SH3RF1: variants seen among roughly 807,000 people sequenced by gnomAD.
The protein encoded by SH3RF1 is E3 ubiquitin-protein ligase SH3RF1.
SH3RF1 carries 32 observed loss-of-function variants against 74.0 expected under a neutral mutation model. That is an observed-to-expected ratio of 0.43 (90% CI 0.33 to 0.58). The LOEUF is 0.58. SH3RF1 is among the 20% of genes least tolerant of loss of function. The probability of loss-of-function intolerance (pLI) is 0.05; values close to 1 mark genes in which losing one functional copy is unlikely to be tolerated. For missense variants in SH3RF1, 954 were observed against 1,130.9 expected (o/e 0.84, Z 2.24); for synonymous variants, 396 against 439.6 (o/e 0.90, Z 1.24).
chr4:169,202,849 T>C (rs1734933763), intron 2 of SH3RF1, among the ~76,000 whole-genome samples: 1 of 152,190 alleles, frequency 6.6e-6, no homozygotes, highest in Non-Finnish European at 1.5e-5. Context: ...GTTGAGGTGG[T>C]CTTCAATAAA....
chr4:169,243,862 T>C (rs1204171855), intron 2 of SH3RF1, among the ~76,000 whole-genome samples: 1 of 152,258 alleles, frequency 6.6e-6, no homozygotes, highest in Non-Finnish European at 1.5e-5. Flanking sequence ...TGACTACAAA[T>C]GTAATTTGTT....
chr4:169,198,149 T>C (rs954130267), intron 2 of SH3RF1, among the ~76,000 whole-genome samples: 5 of 152,244 alleles, frequency 3.3e-5, no homozygotes, highest in Admixed American at 1.3e-4. Flanking sequence ...AATTGCCTTA[T>C]GGAAACATCT....
chr4:169,119,424 G>A (rs970952056), intron 8 of SH3RF1, among the ~76,000 whole-genome samples: 12 of 151,396 alleles, frequency 7.9e-5, no homozygotes, highest in East Asian at 3.9e-4. Context: ...CACTGCACCC[G>A]GCTATACAAG....
At chr4:169,109,311 G>A (rs1733201696) in intron 10 of SH3RF1, among the ~76,000 whole-genome samples, 1 of 152,206 alleles carries the variant, frequency 6.6e-6, no homozygotes, top group African/African-American at 2.4e-5. Context: ...TAAAATATCA[G>A]ATAACTCAAC....
chr4:169,108,222 G>T (rs558662469), intron 10 of SH3RF1, among the ~76,000 whole-genome samples: 1 of 152,284 alleles, frequency 6.6e-6, no homozygotes, highest in African/African-American at 2.4e-5. Context: ...ACTTCATAGA[G>T]AACTATTTCT....
At chr4:169,207,837 C>T (rs921467884) in intron 2 of SH3RF1, among the ~76,000 whole-genome samples, 2 of 152,164 alleles carry the variant, frequency 1.3e-5, no homozygotes, top group African/African-American at 4.8e-5. Flanking sequence ...GTTGTTTATA[C>T]AGGTGCCACT....
At chr4:169,241,313 C>A (rs539298471) in intron 2 of SH3RF1, among the ~76,000 whole-genome samples, 4 of 152,198 alleles carry the variant, frequency 2.6e-5, no homozygotes, top group Non-Finnish European at 5.9e-5. Flanking sequence ...ACATTGAAAT[C>A]AATACTGGAA....
intron 5 of SH3RF1, among the ~76,000 whole-genome samples, chr4:169,134,983 C>A (rs1431172175): frequency 6.6e-6 from 1 of 152,166 alleles, no homozygotes; most frequent in East Asian, 1.9e-4. Flanking sequence ...CCCACAATCC[C>A]ATTCAGAAAG....
chr4:169,224,093 A>G (rs2127003305), intron 2 of SH3RF1, among the ~76,000 whole-genome samples: 1 of 152,344 alleles, frequency 6.6e-6, no homozygotes, highest in African/African-American at 2.4e-5. Context: ...CTAAATGCCA[A>G]CAGTACTGTC....
intron 11 of SH3RF1, among the ~76,000 whole-genome samples, chr4:169,096,909 A>G (rs1370988642): frequency 6.6e-6 from 1 of 152,192 alleles, no homozygotes; most frequent in Non-Finnish European, 1.5e-5. Flanking sequence ...GATGGCCCAG[A>G]CTGGTTCATC....
At chr4:169,247,459 C>T (rs1731020915) in intron 2 of SH3RF1, among the ~76,000 whole-genome samples, 1 of 152,142 alleles carries the variant, frequency 6.6e-6, no homozygotes, top group Non-Finnish European at 1.5e-5. Context: ...TAACACGAGG[C>T]ACGTATGAAG....
At chr4:169,127,901 G>A (rs538503380) in intron 6 of SH3RF1, among the ~76,000 whole-genome samples, 3 of 151,992 alleles carry the variant, frequency 2.0e-5, no homozygotes, top group South Asian at 2.1e-4. Flanking sequence ...GAAGTGTTTC[G>A]GATTTTGAAT....
chr4:169,165,643 G>C (rs1213256462), intron 2 of SH3RF1, among the ~76,000 whole-genome samples: 1 of 151,952 alleles, frequency 6.6e-6, no homozygotes, highest in Non-Finnish European at 1.5e-5. Context: ...AAGGCGGGGG[G>C]GGGAGTCAGG....
chr4:169,247,810 AC>A (rs1440761512), intron 2 of SH3RF1, among the ~76,000 whole-genome samples: 9 of 152,298 alleles, frequency 5.9e-5, no homozygotes, highest in African/African-American at 1.9e-4. Flanking sequence ...GAAAAAAACG[AC>A]CCCATCAAAA....
Position 169,107,057 on chromosome 4 carries a change from G to A in SH3RF1, c.2288C>T (p.Pro763Leu). 6.2e-7 allele frequency: 1 copy of A among 1,614,024 alleles called. No individual in the cohort carries two copies. Among genetic ancestry groups the A allele is most frequent in the Non-Finnish European group, 8.5e-7 (1 of 1,179,988 alleles). The change falls in exon 11 of 12, where the codon CCA becomes CTA. Residue 763 changes from proline (P) to leucine (L), a missense_variant. Coordinates refer to ENST00000284637, the MANE Select transcript of SH3RF1 (RefSeq NM_020870.4). The part of the protein sequence containing the change: ...LQGAVGPELP[P>L]GGGHGRAGSC... ...GCCTGCCCTGCCATGGCCACCTCCT[G>A]GTGGCAGTTCGGGCCCCACCGCTCC... is the stretch of plus-strand genomic sequence containing the variant.
intron 2 of SH3RF1, among the ~76,000 whole-genome samples, chr4:169,172,756 A>C (rs914733500): frequency 1.3e-5 from 2 of 152,110 alleles, no homozygotes; most frequent in Non-Finnish European, 2.9e-5. Context: ...TTGGGCTGGG[A>C]GAGAAAGACC....
intron 2 of SH3RF1, among the ~76,000 whole-genome samples, chr4:169,258,683 G>C (rs1257200600): frequency 1.3e-5 from 2 of 152,082 alleles, no homozygotes; most frequent in Non-Finnish European, 2.9e-5. Context: ...AAATAATAGA[G>C]ATTAGTAAAC....
intron 1 of SH3RF1, 84 bp from the exon 2 acceptor site, chr4:169,269,391 G>T: frequency 1.6e-6 from 1 of 610,362 alleles, no homozygotes; most frequent in East Asian, 2.9e-5. Flanking sequence ...GAATCAAAAA[G>T]TACCCAAAAG....
chr4:169,202,682 AAC>A (rs976338168), intron 2 of SH3RF1, among the ~76,000 whole-genome samples: 3 of 152,244 alleles, frequency 2.0e-5, no homozygotes, highest in Admixed American at 6.5e-5. Flanking sequence ...CTACAGAAAT[AAC>A]ACAATAATTT....
Sources: allele counts gnomAD v4.1 joint callset (sites outside exome capture counted in the v4.1 genomes callset), GRCh38; gene constraint gnomAD v4.1.1; transcripts MANE v1.5; gene names NCBI Gene and HGNC (gene_info 2026-07-23, HGNC 2026-07-21).